AGAP1: variants seen among roughly 807,000 people sequenced by gnomAD.
The protein encoded by AGAP1 is ArfGAP with GTPase domain, ankyrin repeat and PH domain 1.
Under a neutral mutation model 105.3 loss-of-function variants are expected in AGAP1, and 29 were observed. The ratio of observed to expected loss-of-function variants is 0.28; its 90% CI spans 0.21 to 0.38. The LOEUF is 0.38. Among genes scored for constraint, AGAP1 ranks in the 10% least tolerant of loss-of-function variants. The pLI is 1.00. For missense variants in AGAP1, 998 were observed against 1,165.1 expected (o/e 0.86, Z 2.09); for synonymous variants, 509 against 485.9 (o/e 1.05, Z -0.63).
chr2:235,791,847 G>A (rs1275165359), intron 6 of AGAP1, among the ~76,000 whole-genome samples: 2 of 152,098 alleles, frequency 1.3e-5, no homozygotes, highest in Admixed American at 6.6e-5. Context: ...TCACCCAGCC[G>A]GGAAGAGCCT....
intron 16 of AGAP1, among the ~76,000 whole-genome samples, chr2:236,086,668 T>G (rs1317872793): frequency 6.6e-6 from 1 of 152,186 alleles, no homozygotes; most frequent in Non-Finnish European, 1.5e-5. Context: ...GGATAAAATT[T>G]TAGCTGGGCG....
rs2059207303 is a variant in AGAP1, at chr2:236,096,985, CTT to C, written c.2115-23205_2115-23204del. On this transcript the variant is annotated intron_variant, in intron 16 of 17. Coordinates refer to ENST00000304032, the MANE Select transcript of AGAP1 (RefSeq NM_001037131.3). The surrounding 1 kb of genome is among the most constrained non-coding windows in gnomAD (Gnocchi z 4.4). ...CATTGAGCTGAATGGAAAAAACAAA[CTT>C]TATTGGTAATATCCTGAAATTCACT... 1.3e-5 allele frequency among the ~76,000 whole-genome samples: 2 copies of C among 152,298 alleles called. No homozygotes were observed. The highest frequency in any genetic ancestry group is 4.8e-5 in the African/African-American group (2 of 41,584).
At chr2:235,890,162 CTT>C (rs3059035) in intron 10 of AGAP1, among the ~76,000 whole-genome samples, 111 of 132,422 alleles carry the variant, frequency 8.4e-4, no homozygotes, top group African/African-American at 2.8e-3. Context: ...TAGTTATTCC[CTT>C]TTTTTTTTTT....
chr2:235,741,032 G>T lies in AGAP1; in HGVS notation c.380G>T (p.Gly127Val), dbSNP rs773218170. 6.2e-7 allele frequency: 1 copy of T among 1,613,828 alleles called. No homozygotes were observed. The highest frequency in any genetic ancestry group is 8.5e-7 in the Non-Finnish European group (1 of 1,179,802). Residue 127 changes from glycine (G) to valine (V), a missense_variant, in exon 4 of 18, where the codon GGC (glycine) becomes GTC (valine). By Grantham distance (109) the Gly-to-Val change is moderately radical. Around this residue, in one of 3 missense-constraint regions of AGAP1, gnomAD observed 735 missense variants for 833.4 expected, o/e 0.88. Coordinates refer to ENST00000304032, the MANE Select transcript of AGAP1 (RefSeq NM_001037131.3). The surrounding 1 kb of genome is among the most constrained non-coding windows in gnomAD (Gnocchi z 4.9). ...CTGCTGCTGATCAGAGATGAAGGGG[G>T]CCCCCCGGAGGCGCAGGTGAGTATA... ...SYLLLIRDEG[G>V]PPEAQFAMWV...
At chr2:236,107,742 G>C (rs1414898781) in intron 16 of AGAP1, among the ~76,000 whole-genome samples, 1 of 152,206 alleles carries the variant, frequency 6.6e-6, no homozygotes, top group Non-Finnish European at 1.5e-5. Context: ...AAACCTGGCT[G>C]GGGCCAGAGT....
chr2:235,564,043 C>T (rs893837420), intron 1 of AGAP1, among the ~76,000 whole-genome samples: 3 of 152,148 alleles, frequency 2.0e-5, no homozygotes, highest in Non-Finnish European at 4.4e-5. Context: ...GTATGTGGCT[C>T]TGCGATTGGA....
chr2:235,854,629 C>T lies in AGAP1; in HGVS notation c.1051-28716C>T, dbSNP rs187867014. On this transcript the variant is annotated intron_variant, in intron 9 of 17. Coordinates refer to ENST00000304032, the MANE Select transcript of AGAP1 (RefSeq NM_001037131.3). ...AGACCAGCTTGGAGCCTGGGGCTGC[C>T]GCGTCCGCTTACCAGTGGTGGACTT... Among the ~76,000 whole-genome samples, 105 of 152,300 alleles carry T rather than the reference C, an allele frequency of 6.9e-4. 1 individual carries two copies. The East Asian group carries it at 0.016, about 23-fold the overall frequency.
chr2:235,589,600 G>A (rs77880928), intron 1 of AGAP1, among the ~76,000 whole-genome samples: 1,946 of 152,220 alleles, frequency 0.013, 43 homozygotes, highest in African/African-American at 0.044. Context: ...GACCATGTCC[G>A]CTCTAGGTGG....
intron 1 of AGAP1, among the ~76,000 whole-genome samples, chr2:235,526,961 T>C (rs1209786120): frequency 6.6e-6 from 1 of 152,120 alleles, no homozygotes; most frequent in African/African-American, 2.4e-5. Context: ...GTCTCCAAAG[T>C]TTTGGGGTGG....
chr2:235,496,824 G>T (rs901446273), intron 1 of AGAP1, among the ~76,000 whole-genome samples: 1 of 151,942 alleles, frequency 6.6e-6, no homozygotes, highest in Non-Finnish European at 1.5e-5. Context: ...GCCTACCTTT[G>T]CGATTTGAGA....
At chr2:235,546,362 T>A (rs1159012882) in intron 1 of AGAP1, among the ~76,000 whole-genome samples, 1 of 152,158 alleles carries the variant, frequency 6.6e-6, no homozygotes, top group Non-Finnish European at 1.5e-5. Flanking sequence ...AAAAGTCTTT[T>A]TCAGAGGCAG....
In AGAP1 at chr2:235,750,316, T is replaced by C. The variant is rs1291446015; in HGVS notation, c.539-38T>C. The C allele has an allele frequency of 1.2e-6, 2 of 1,613,122 alleles. No individual in the cohort carries two copies. The highest frequency in any genetic ancestry group is 4.5e-5 in the East Asian group (2 of 44,828). On this transcript the variant is annotated intron_variant, in intron 5 of 17. Transcript: ENST00000304032. The surrounding 1 kb of genome is among the most constrained non-coding windows in gnomAD (Gnocchi z 5.3). ...GTGTAGGAAGTATTTAGAGCTGTCA[T>C]TGTCACTGTGCCGTTACTTTTTGGT...
chr2:236,012,377 A>G lies in AGAP1; in HGVS notation c.1646-24184A>G, dbSNP rs1012685008. Among the ~76,000 whole-genome samples the G allele has an allele frequency of 1.1e-4, 17 of 152,204 alleles. No individual in the cohort carries two copies. The East Asian group carries it at 3.3e-3, about 29-fold the overall frequency. ...TACTCTTGAGGAGTGCAGCCTTCTCATGGCTACCTCTTTCTGGAACTTGCG... is the reference window on the plus strand; with the variant it reads ...TACTCTTGAGGAGTGCAGCCTTCTCGTGGCTACCTCTTTCTGGAACTTGCG... On this transcript the variant is annotated intron_variant, in intron 13 of 17. Transcript: ENST00000304032. The surrounding 1 kb of genome is among the most constrained non-coding windows in gnomAD (Gnocchi z 4.9).
In AGAP1 at chr2:235,578,769, A is replaced by G. The variant is rs1412009063; in HGVS notation, c.163+83920A>G. ...CACTGCACTCCAGCCTGGGCAATACAGCGAGACTCAGTCTCAAAAAAAAAA... is the reference window on the plus strand; with the variant it reads ...CACTGCACTCCAGCCTGGGCAATACGGCGAGACTCAGTCTCAAAAAAAAAA... On this transcript the variant is annotated intron_variant, in intron 1 of 17. Coordinates refer to ENST00000304032, the MANE Select transcript of AGAP1 (RefSeq NM_001037131.3). This position sits in a 1 kb window ranked among gnomAD's most constrained non-coding sequence, Gnocchi z 4.9. 1.4e-5 allele frequency among the ~76,000 whole-genome samples: 2 copies of G among 147,548 alleles called. No homozygotes were observed. The highest frequency in any genetic ancestry group is 2.5e-5 in the African/African-American group (1 of 39,468).
intron 16 of AGAP1, among the ~76,000 whole-genome samples, chr2:236,108,975 C>T (rs1162609909): frequency 6.6e-6 from 1 of 152,178 alleles, no homozygotes; most frequent in African/African-American, 2.4e-5. Flanking sequence ...CTTATTACCC[C>T]TTGACAATGT....
intron 11 of AGAP1, among the ~76,000 whole-genome samples, chr2:235,924,252 A>G (rs2052336126): frequency 6.6e-6 from 1 of 151,950 alleles, no homozygotes. Context: ...CCTAATTCCA[A>G]AGTCTAAAAG....
chr2:235,720,203 C>T lies in AGAP1; in HGVS notation c.310+2559C>T, dbSNP rs199526063. 1.8e-4 allele frequency among the ~76,000 whole-genome samples: 28 copies of T among 152,346 alleles called. No homozygotes were observed. The highest frequency in any genetic ancestry group is 1.7e-3 in the East Asian group (9 of 5,180). On this transcript the variant is annotated intron_variant, in intron 3 of 17. Transcript: ENST00000304032. The surrounding 1 kb of genome is among the most constrained non-coding windows in gnomAD (Gnocchi z 5.0). ...TGCCATCCTGAAATTCCCTCTCATG[C>T]TCAGGGAGCCTGTACCTGGAAAGTG...
intron 6 of AGAP1, among the ~76,000 whole-genome samples, chr2:235,760,886 A>G (rs78888561): frequency 0.044 from 6,706 of 152,276 alleles, 521 homozygotes; most frequent in African/African-American, 0.15. Context: ...CACCACTCCC[A>G]GCAGCCCAAC....
At chr2:235,694,208 G>C (rs2149451377) in intron 1 of AGAP1, among the ~76,000 whole-genome samples, 1 of 149,714 alleles carries the variant, frequency 6.7e-6, no homozygotes, top group East Asian at 1.9e-4. Flanking sequence ...GGCCAGGCAT[G>C]GTGGCTCACA....
Sources: allele counts gnomAD v4.1 joint callset (sites outside exome capture counted in the v4.1 genomes callset), GRCh38; gene constraint gnomAD v4.1.1; regional missense constraint gnomAD v4.1.1; non-coding constraint Gnocchi (gnomAD v3.1); transcripts MANE v1.5; gene names NCBI Gene and HGNC (gene_info 2026-07-23, HGNC 2026-07-21).